MCC: variants seen among roughly 807,000 people sequenced by gnomAD.
MCC encodes the protein MCC regulator of Wnt signaling pathway.
In MCC, 90 loss-of-function variants were observed where a neutral mutation model predicts 116.2. The observed-to-expected ratio is 0.77, with a 90% CI of 0.65 to 0.92. The LOEUF (loss-of-function observed/expected upper bound fraction) is 0.92. MCC is among the 40% of genes least tolerant of loss of function. MCC has a pLI of 0.00. For synonymous variants in MCC, 578 were observed against 510.5 expected (o/e 1.13, Z -1.78); for missense variants, 1,516 against 1,312.2 (o/e 1.16, Z -2.40).
chr5:113,136,396 A>G (rs1397184978), intron 5 of MCC, among the ~76,000 whole-genome samples: 1 of 152,238 alleles, frequency 6.6e-6, no homozygotes, highest in Non-Finnish European at 1.5e-5. Flanking sequence ...GGTGCAAGAC[A>G]TCTTCTGATA....
At chr5:113,079,179 A>G (rs1754669478) in intron 11 of MCC, among the ~76,000 whole-genome samples, 1 of 152,246 alleles carries the variant, frequency 6.6e-6, no homozygotes, top group African/African-American at 2.4e-5. Context: ...ATGGAAGAAC[A>G]TTCCATGCTC....
chr5:113,371,696 G>C (rs969877939), intron 2 of MCC, among the ~76,000 whole-genome samples: 2 of 152,108 alleles, frequency 1.3e-5, no homozygotes, highest in Non-Finnish European at 2.9e-5. Context: ...AAATTTAACG[G>C]ATTTAAACTT....
intron 3 of MCC, among the ~76,000 whole-genome samples, chr5:113,283,521 T>C (rs1164072967): frequency 6.6e-6 from 1 of 152,126 alleles, no homozygotes; most frequent in Admixed American, 6.5e-5. Flanking sequence ...TATAAAAATT[T>C]TTAAAAAGAA....
intron 3 of MCC, 112 bp downstream of exon 3, chr5:113,340,407 C>T (rs1767979856): frequency 1.1e-6 from 1 of 910,922 alleles, no homozygotes; most frequent in Non-Finnish European, 1.7e-6. Context: ...ACAATATTTA[C>T]CGCAATAAAG....
intron 2 of MCC, among the ~76,000 whole-genome samples, chr5:113,345,279 T>A (rs979638239): frequency 2.2e-4 from 34 of 151,876 alleles, no homozygotes; most frequent in Non-Finnish European, 4.1e-4. Flanking sequence ...GTTTTTTTTT[T>A]ACTCCAATCC....
chr5:113,344,640 C>T (rs1116547), intron 2 of MCC, among the ~76,000 whole-genome samples: 28,603 of 151,600 alleles, frequency 0.19, 3,300 homozygotes, highest in Admixed American at 0.31. Flanking sequence ...ATGAGGCCCC[C>T]CATTCTAAGG....
At chr5:113,304,594 TGATTA>T (rs1274966230) in intron 3 of MCC, among the ~76,000 whole-genome samples, 1 of 152,252 alleles carries the variant, frequency 6.6e-6, no homozygotes, top group Non-Finnish European at 1.5e-5. Flanking sequence ...CTTCACTGTC[TGATTA>T]GATATTTTCG....
chr5:113,264,063 C>A (rs530814440), intron 3 of MCC, among the ~76,000 whole-genome samples: 33 of 152,112 alleles, frequency 2.2e-4, no homozygotes, highest in Non-Finnish European at 4.7e-4. Context: ...AGGCACTTTG[C>A]TCTTTAGAAA....
At chr5:113,386,623 T>C (rs969956841) in intron 1 of MCC, among the ~76,000 whole-genome samples, 1 of 152,186 alleles carries the variant, frequency 6.6e-6, no homozygotes, top group African/African-American at 2.4e-5. Flanking sequence ...GCCAGGCCTA[T>C]GCCACCAGCC....
rs115291394 is a variant in MCC, at chr5:113,225,238, G to A, written c.628-73816C>T. On this transcript the variant is annotated intron_variant, in intron 3 of 18. Transcript: ENST00000408903. ...ACTTATGTGTTTTCCTGTATATTCT[G>A]TTGAACTAATTTTATTGACGAATTT... Among the ~76,000 whole-genome samples the A allele has an allele frequency of 3.9e-3, 591 of 152,220 alleles. 5 individuals are homozygous for A. The highest frequency in any genetic ancestry group is 0.014 in the African/African-American group (576 of 41,538).
intron 6 of MCC, among the ~76,000 whole-genome samples, chr5:113,111,488 C>A (rs1435459077): frequency 1.3e-5 from 2 of 152,194 alleles, no homozygotes; most frequent in Non-Finnish European, 2.9e-5. Context: ...TAGGCCTCAG[C>A]TACCTGCGAC....
Position 113,434,161 on chromosome 5 carries a change from T to C in MCC, c.171-48949A>G, listed in dbSNP as rs1171184810. On this transcript the variant is annotated intron_variant, in intron 1 of 18. Transcript: ENST00000408903. The surrounding 1 kb of genome is among the most constrained non-coding windows in gnomAD (Gnocchi z 4.2). ...AAGTTGACGCGGTGCTCCTTCTGGATACGCAGCATCTTCTTGATGTTGGAG... is the reference window on the plus strand; with the variant it reads ...AAGTTGACGCGGTGCTCCTTCTGGACACGCAGCATCTTCTTGATGTTGGAG... The C allele has an allele frequency of 1.9e-6, 3 of 1,614,080 alleles. No homozygotes were observed. The highest frequency in any genetic ancestry group is 2.7e-5 in the African/African-American group (2 of 74,940).
At chr5:113,350,801 A>G (rs560270943) in intron 2 of MCC, among the ~76,000 whole-genome samples, 1 of 152,288 alleles carries the variant, frequency 6.6e-6, no homozygotes, top group East Asian at 1.9e-4. Context: ...AGAGAATAGT[A>G]ACCAGAATCT....
intron 17 of MCC, among the ~76,000 whole-genome samples, chr5:113,032,487 A>G (rs1751027934): frequency 6.6e-6 from 1 of 152,092 alleles, no homozygotes; most frequent in Admixed American, 6.5e-5. Flanking sequence ...TGTTATTAAA[A>G]TTAATTTCAT....
intron 3 of MCC, among the ~76,000 whole-genome samples, chr5:113,305,196 G>C (rs1031878430): frequency 1.3e-5 from 2 of 152,100 alleles, no homozygotes; most frequent in Non-Finnish European, 2.9e-5. Context: ...TTCCTACAGG[G>C]ACAGGCTGAG....
chr5:113,030,011 G>A (rs1003037102), intron 17 of MCC, among the ~76,000 whole-genome samples: 38 of 152,186 alleles, frequency 2.5e-4, no homozygotes, highest in African/African-American at 8.9e-4. Flanking sequence ...TGTTAAAACA[G>A]CTTTAGAACA....
At chr5:113,208,902 G>A (rs1763012872) in intron 3 of MCC, among the ~76,000 whole-genome samples, 1 of 152,172 alleles carries the variant, frequency 6.6e-6, no homozygotes. Flanking sequence ...AGAAAATTCA[G>A]AGGCCTAACA....
intron 3 of MCC, among the ~76,000 whole-genome samples, chr5:113,293,950 G>A (rs1420262345): frequency 6.6e-6 from 1 of 152,140 alleles, no homozygotes; most frequent in East Asian, 1.9e-4. Context: ...AGTTACCGTC[G>A]GCTTAAACTC....
chr5:113,202,540 G>A (rs1345715209), intron 3 of MCC, among the ~76,000 whole-genome samples: 1 of 152,126 alleles, frequency 6.6e-6, no homozygotes, highest in Non-Finnish European at 1.5e-5. Flanking sequence ...TCATTTATTA[G>A]CAGTCATTCA....
Sources: allele counts gnomAD v4.1 joint callset (sites outside exome capture counted in the v4.1 genomes callset), GRCh38; gene constraint gnomAD v4.1.1; non-coding constraint Gnocchi (gnomAD v3.1); transcripts MANE v1.5; gene names NCBI Gene and HGNC (gene_info 2026-07-23, HGNC 2026-07-21).